Variants in SESTD1 observed in about 807,000 individuals in gnomAD.
The protein encoded by SESTD1 is SEC14 and spectrin domain containing 1, also known as SEC14 domain and spectrin repeat-containing protein 1.
SESTD1 carries 43 observed loss-of-function variants against 101.7 expected under a neutral mutation model. The observed-to-expected ratio is 0.42, with a 90% CI of 0.33 to 0.55. The LOEUF (loss-of-function observed/expected upper bound fraction) is 0.55. Ranked by LOEUF, SESTD1 falls within the 20% of genes least tolerant of loss-of-function variation. The pLI, the probability that SESTD1 is intolerant of heterozygous loss-of-function variation, is 0.07. For missense variants in SESTD1, 647 were observed against 815.1 expected (o/e 0.79, Z 2.51); for synonymous variants, 283 against 286.8 (o/e 0.99, Z 0.13).
chr2:179,259,786 C>A (rs1182369487), intron 1 of SESTD1, among the ~76,000 whole-genome samples: 1 of 152,162 alleles, frequency 6.6e-6, no homozygotes, highest in East Asian at 1.9e-4. Context: ...AAACTAATGT[C>A]TTTCTTCATA....
At chr2:179,186,092 T>C (rs183015040) in intron 2 of SESTD1, among the ~76,000 whole-genome samples, 1 of 148,530 alleles carries the variant, frequency 6.7e-6, no homozygotes, top group Admixed American at 6.8e-5. Context: ...TAATACATAC[T>C]AGGAAAACAT....
At chr2:179,193,974 A>G (rs1042521031) in intron 1 of SESTD1, among the ~76,000 whole-genome samples, 5 of 152,138 alleles carry the variant, frequency 3.3e-5, no homozygotes, top group African/African-American at 1.2e-4. Context: ...CCAGGCTTTC[A>G]TAACTCACTC....
chr2:179,150,752 G>A (rs532449815), intron 6 of SESTD1, among the ~76,000 whole-genome samples: 6 of 152,094 alleles, frequency 3.9e-5, no homozygotes, highest in African/African-American at 7.2e-5. Flanking sequence ...TCCCGGAGGC[G>A]GAGGTTGCAG....
At chr2:179,190,676 ATCAAT>A (rs2046306746) in intron 2 of SESTD1, among the ~76,000 whole-genome samples, 1 of 152,206 alleles carries the variant, frequency 6.6e-6, no homozygotes, top group Non-Finnish European at 1.5e-5. Flanking sequence ...AATGAACTTA[ATCAAT>A]TCAACAAGGA....
intron 5 of SESTD1, among the ~76,000 whole-genome samples, chr2:179,164,298 C>T (rs2045796256): frequency 6.6e-6 from 1 of 151,916 alleles, no homozygotes; most frequent in Non-Finnish European, 1.5e-5. Context: ...TGTATAGTCT[C>T]AAAAAAGAAC....
intron 1 of SESTD1, among the ~76,000 whole-genome samples, chr2:179,232,661 C>T (rs1427764252): frequency 6.6e-6 from 1 of 152,068 alleles, no homozygotes; most frequent in African/African-American, 2.4e-5. Context: ...TAGATCCACA[C>T]AATGGAGTAC....
intron 1 of SESTD1, among the ~76,000 whole-genome samples, chr2:179,192,486 A>G (rs1485301534): frequency 6.6e-6 from 1 of 151,976 alleles, no homozygotes; most frequent in Non-Finnish European, 1.5e-5. Flanking sequence ...ATCTCTCTAC[A>G]TTTTACAGTT....
chr2:179,117,989 G>T (rs1174699453), intron 13 of SESTD1, among the ~76,000 whole-genome samples: 1 of 151,810 alleles, frequency 6.6e-6, no homozygotes, highest in African/African-American at 2.4e-5. Context: ...ATATTTTTTT[G>T]AGACAAGGTC....
chr2:179,225,543 T>C (rs1447729652), intron 1 of SESTD1, among the ~76,000 whole-genome samples: 2 of 152,146 alleles, frequency 1.3e-5, no homozygotes, highest in African/African-American at 4.8e-5. Context: ...CAAAAAAACC[T>C]GAGACTGGGT....
At chr2:179,198,147 A>G (rs935143545) in intron 1 of SESTD1, among the ~76,000 whole-genome samples, 1 of 152,148 alleles carries the variant, frequency 6.6e-6, no homozygotes, top group African/African-American at 2.4e-5. Flanking sequence ...AAAGAAAGGC[A>G]GGGGTTGCAA....
chr2:179,240,168 CAG>C (rs2047130155), intron 1 of SESTD1, among the ~76,000 whole-genome samples: 1 of 152,090 alleles, frequency 6.6e-6, no homozygotes, highest in Middle Eastern at 3.2e-3. Flanking sequence ...AATGGTGTAA[CAG>C]AGACACACAG....
intron 1 of SESTD1, among the ~76,000 whole-genome samples, chr2:179,221,517 G>A (rs1386031788): frequency 6.6e-6 from 1 of 151,828 alleles, no homozygotes; most frequent in Non-Finnish European, 1.5e-5. Flanking sequence ...GGAGGCTGAG[G>A]CAGGAGAATC....
intron 1 of SESTD1, among the ~76,000 whole-genome samples, chr2:179,263,680 G>A (rs1050946382): frequency 1.3e-5 from 2 of 152,144 alleles, no homozygotes; most frequent in Admixed American, 1.3e-4. Flanking sequence ...GAAAACCACG[G>A]GGGCTGTCAG....
chr2:179,245,071 G>A (rs2047209433), intron 1 of SESTD1, among the ~76,000 whole-genome samples: 1 of 152,102 alleles, frequency 6.6e-6, no homozygotes, highest in Admixed American at 6.6e-5. Context: ...TTCTAACATC[G>A]CTTGCTGGGT....
chr2:179,245,515 CAAAAAA>C (rs59103658), intron 1 of SESTD1, among the ~76,000 whole-genome samples: 3 of 45,196 alleles, frequency 6.6e-5, no homozygotes, highest in Non-Finnish European at 1.4e-4. Context: ...GACTCTGTCT[CAAAAAA>C]AAAAAAAAAA....
chr2:179,145,262 G>A (rs1266202178), intron 8 of SESTD1, among the ~76,000 whole-genome samples: 1 of 152,062 alleles, frequency 6.6e-6, no homozygotes, highest in Non-Finnish European at 1.5e-5. Flanking sequence ...CATTAGAGAA[G>A]CAGCATAGCA....
At chr2:179,125,727 A>C (rs2044859325) in intron 10 of SESTD1, among the ~76,000 whole-genome samples, 1 of 152,164 alleles carries the variant, frequency 6.6e-6, no homozygotes, top group African/African-American at 2.4e-5. Flanking sequence ...TCACTTTCTC[A>C]TTCTCATGAT....
chr2:179,196,506 A>G (rs993205811), intron 1 of SESTD1, among the ~76,000 whole-genome samples: 12 of 152,254 alleles, frequency 7.9e-5, no homozygotes, highest in African/African-American at 2.9e-4. Flanking sequence ...TTGGGGGCAG[A>G]GCACAGACAA....
chr2:179,231,742 AT>A (rs2046991746), intron 1 of SESTD1, among the ~76,000 whole-genome samples: 1 of 151,332 alleles, frequency 6.6e-6, no homozygotes, highest in African/African-American at 2.4e-5. Flanking sequence ...AATTTAAAAA[AT>A]TTAAAAAAAA....
Sources: gnomAD v4.1 joint callset for allele counts (sites outside exome capture counted in the v4.1 genomes callset) on GRCh38, gnomAD v4.1.1 for gene constraint, MANE v1.5 for transcripts, NCBI Gene and HGNC (gene_info 2026-07-23, HGNC 2026-07-21) for gene names.